Variants in PDE4D observed in about 807,000 individuals in gnomAD.
PDE4D encodes the protein phosphodiesterase 4D.
PDE4D carries 24 observed loss-of-function variants against 87.4 expected under a neutral mutation model. The observed-to-expected ratio is 0.27, with a 90% CI of 0.20 to 0.39. The LOEUF (loss-of-function observed/expected upper bound fraction) is 0.39. Ranked by LOEUF, PDE4D falls within the 10% of genes least tolerant of loss-of-function variation. The pLI is 1.00. For synonymous variants in PDE4D, 384 were observed against 383.2 expected (o/e 1.00, Z -0.02); for missense variants, 714 against 1,041.0 (o/e 0.69, Z 4.32).
intron 3 of PDE4D, among the ~76,000 whole-genome samples, chr5:59,920,877 G>GAA (rs1754589591): frequency 7.3e-6 from 1 of 136,080 alleles, no homozygotes; most frequent in Admixed American, 7.7e-5. Context: ...GGGGGAGGGG[G>GAA]GAGGGGGAGG....
At chr5:60,313,300 C>T (rs1480671810) in intron 1 of PDE4D, among the ~76,000 whole-genome samples, 1 of 152,074 alleles carries the variant, frequency 6.6e-6, no homozygotes, top group Non-Finnish European at 1.5e-5. Context: ...CTATAATGAA[C>T]ACCTTTATGC....
rs534467616 is a variant in PDE4D, at chr5:60,070,656, T to G, written c.43-81939A>C. 1.8e-4 allele frequency among the ~76,000 whole-genome samples: 27 copies of G among 152,208 alleles called. 1 individual carries two copies. The South Asian group carries it at 5.0e-3, about 28-fold the overall frequency. ...AGGGATATTGGCCTATAGTTTTGTT[T>G]TCTTGTGGTGCTTTTGTCTGACTTT... On this transcript the variant is annotated intron_variant, in intron 2 of 16. Transcript: ENST00000502484.
chr5:60,362,012 A>G (rs1760121075), intron 1 of PDE4D, among the ~76,000 whole-genome samples: 1 of 152,082 alleles, frequency 6.6e-6, no homozygotes, highest in Admixed American at 6.5e-5. Context: ...CCCCCTAAAT[A>G]CCTTTACTCT....
intron 2 of PDE4D, among the ~76,000 whole-genome samples, chr5:60,096,348 G>A (rs951643564): frequency 1.4e-4 from 21 of 152,108 alleles, no homozygotes; most frequent in Non-Finnish European, 2.9e-4. Flanking sequence ...TGGGAAAACT[G>A]GCTAGCCATA....
At chr5:59,061,071 T>C (rs1478482156) in intron 5 of PDE4D, among the ~76,000 whole-genome samples, 1 of 152,178 alleles carries the variant, frequency 6.6e-6, no homozygotes, top group Non-Finnish European at 1.5e-5. Flanking sequence ...GACAGTTGAA[T>C]GATACAAATG....
chr5:60,035,997 T>C (rs1767753513), intron 2 of PDE4D, among the ~76,000 whole-genome samples: 1 of 152,198 alleles, frequency 6.6e-6, no homozygotes. Flanking sequence ...TGCTTAGACA[T>C]ATAGAATTTA....
chr5:59,946,356 C>T (rs1317218343), intron 3 of PDE4D, among the ~76,000 whole-genome samples: 2 of 152,150 alleles, frequency 1.3e-5, no homozygotes, highest in South Asian at 2.1e-4. Context: ...CCAAAACTTC[C>T]CATGTTCAGC....
chr5:59,294,665 C>G (rs1290855012), intron 1 of PDE4D, among the ~76,000 whole-genome samples: 2 of 152,142 alleles, frequency 1.3e-5, no homozygotes, highest in African/African-American at 4.8e-5. Context: ...AGGTAAAATA[C>G]TTGAAAGAAC....
At chr5:60,007,359 G>A (rs1266761561) in intron 2 of PDE4D, among the ~76,000 whole-genome samples, 3 of 151,948 alleles carry the variant, frequency 2.0e-5, no homozygotes, top group East Asian at 1.9e-4. Flanking sequence ...TTTGCATCAC[G>A]TAGGAATGAT....
chr5:59,185,108 A>T (rs1742584444), intron 4 of PDE4D, 81 bp downstream of exon 4: 3 of 1,033,572 alleles, frequency 2.9e-6, no homozygotes, highest in South Asian at 1.4e-5. Context: ...GAAGTCTAAC[A>T]TATTGCCTTG....
intron 6 of PDE4D, among the ~76,000 whole-genome samples, chr5:59,034,521 G>A (rs546816525): frequency 1.3e-5 from 2 of 152,150 alleles, no homozygotes; most frequent in African/African-American, 2.4e-5. Flanking sequence ...CACCCCTCTT[G>A]CCCAGAAGAA....
chr5:59,615,525 T>C (rs1482023455), intron 1 of PDE4D, among the ~76,000 whole-genome samples: 1 of 152,230 alleles, frequency 6.6e-6, no homozygotes, highest in East Asian at 1.9e-4. Context: ...TATGTTTTGC[T>C]GACTCCTCAA....
chr5:59,678,492 G>A (rs1046926103), intron 1 of PDE4D, among the ~76,000 whole-genome samples: 1 of 152,000 alleles, frequency 6.6e-6, no homozygotes, highest in Non-Finnish European at 1.5e-5. Context: ...TTGAGATGTA[G>A]TCTGGCTCTG....
At chr5:59,941,842 T>C (rs1169858095) in intron 3 of PDE4D, among the ~76,000 whole-genome samples, 2 of 152,340 alleles carry the variant, frequency 1.3e-5, no homozygotes, top group East Asian at 3.9e-4. Flanking sequence ...ATTCTTAGCA[T>C]GCAGTGCCTA....
chr5:59,100,399 C>T lies in PDE4D; in HGVS notation c.809-61428G>A, dbSNP rs77823080. Among the ~76,000 whole-genome samples the T allele has an allele frequency of 4.2e-3, 643 of 152,192 alleles. 1 individual carries two copies. Among genetic ancestry groups the T allele is most frequent in the Non-Finnish European group, 4.9e-3 (334 of 68,014 alleles). ...TTGTCTGAAATGCCCTTTCTTCTTT[C>T]GTTTATGGAGATTCCAAATGGTCTC... On this transcript the variant is annotated intron_variant, in intron 5 of 14. Transcript: ENST00000340635.
intron 11 of PDE4D, among the ~76,000 whole-genome samples, chr5:58,983,137 C>T (rs1580083085): frequency 1.3e-5 from 2 of 152,362 alleles, no homozygotes; most frequent in Admixed American, 1.3e-4. Flanking sequence ...GACTCCCCTT[C>T]ACCACCATCC....
intron 2 of PDE4D, among the ~76,000 whole-genome samples, chr5:60,111,265 G>C (rs950433570): frequency 6.6e-6 from 1 of 151,822 alleles, no homozygotes; most frequent in Admixed American, 6.6e-5. Flanking sequence ...ATATCATTCT[G>C]TACCCCATAA....
chr5:59,051,559 A>C (rs1267026140), intron 5 of PDE4D, among the ~76,000 whole-genome samples: 1 of 152,208 alleles, frequency 6.6e-6, no homozygotes, highest in Non-Finnish European at 1.5e-5. Context: ...TCTCCTTACT[A>C]ATGACGTTTT....
intron 1 of PDE4D, among the ~76,000 whole-genome samples, chr5:59,558,316 G>A (rs1819328115): frequency 1.3e-5 from 2 of 152,088 alleles, no homozygotes; most frequent in African/African-American, 4.8e-5. Flanking sequence ...CTGGGAGTGG[G>A]GTTAGGGATT....
Sources: gnomAD v4.1 joint callset for allele counts (sites outside exome capture counted in the v4.1 genomes callset) on GRCh38, gnomAD v4.1.1 for gene constraint, MANE v1.5 for transcripts, NCBI Gene and HGNC (gene_info 2026-07-23, HGNC 2026-07-21) for gene names.